The following TXNRD1 variants were observed in gnomAD, a reference collection of about 807,000 sequenced individuals.
TXNRD1 encodes thioredoxin reductase 1, cytoplasmic.
Under a neutral mutation model 80.3 loss-of-function variants are expected in TXNRD1, and 57 were observed. The observed-to-expected ratio is 0.71, with a 90% CI of 0.57 to 0.89. The LOEUF is 0.89. Among genes scored for constraint, TXNRD1 ranks in the 40% least tolerant of loss-of-function variants. The pLI is 0.00. For synonymous variants in TXNRD1, 291 were observed against 285.2 expected (o/e 1.02, Z -0.20); for missense variants, 730 against 803.0 (o/e 0.91, Z 1.10).
intron 2 of TXNRD1, among the ~76,000 whole-genome samples, chr12:104,254,644 A>AAAAAAT: frequency 1.7e-4 from 16 of 93,638 alleles, no homozygotes; most frequent in African/African-American, 5.7e-4. Flanking sequence ...AAAAAAAAAA[A>AAAAAAT]ATATATATAT....
At chr12:104,281,259 T>G (rs2135735249) in intron 3 of TXNRD1, among the ~76,000 whole-genome samples, 1 of 152,374 alleles carries the variant, frequency 6.6e-6, no homozygotes, top group Non-Finnish European at 1.5e-5. Context: ...TCCATCCATC[T>G]GTACAACTGT....
intron 14 of TXNRD1, among the ~76,000 whole-genome samples, chr12:104,332,370 C>A (rs1034694185): frequency 3.3e-5 from 5 of 152,202 alleles, no homozygotes; most frequent in African/African-American, 1.2e-4. Context: ...TCTTAATAAT[C>A]TTTTTCTTTA....
intron 1 of TXNRD1, among the ~76,000 whole-genome samples, chr12:104,228,865 G>T (rs185783406): frequency 6.6e-6 from 1 of 150,478 alleles, no homozygotes; most frequent in South Asian, 2.1e-4. Context: ...GACTACAGGC[G>T]CCCGCCACCA....
At position 104,350,284 on chromosome 12, in the gene TXNRD1, A is replaced by G. The variant is rs1467550690; in HGVS notation, c.*1863A>G. On this transcript the variant is annotated 3_prime_UTR_variant, in exon 17 of 17. Coordinates refer to ENST00000525566, the MANE Select transcript of TXNRD1 (RefSeq NM_001093771.3). ...ATTAAAATTAAAAGGCATTAATAAT[A>G]TCCACGTGTGCCTTCTTACTGAATG... The G allele has an allele frequency of 6.6e-6, 1 of 152,260 alleles. No homozygotes were observed. The highest frequency in any genetic ancestry group is 1.5e-5 in the Non-Finnish European group (1 of 68,052). 9.4% of individuals were successfully genotyped at this position (152,260 alleles called of 1,614,324 possible).
At chr12:104,332,749 CAAAAAAAAAAA>C (rs34106883) in intron 14 of TXNRD1, among the ~76,000 whole-genome samples, 1 of 76,732 alleles carries the variant, frequency 1.3e-5, no homozygotes, top group South Asian at 4.7e-4. Context: ...AACTCCGTCT[CAAAAAAAAAAA>C]AAAAAAAAAA....
chr12:104,289,135 C>T, intron 4 of TXNRD1, 95 bp downstream of exon 4: 1 of 1,427,046 alleles, frequency 7.0e-7, no homozygotes. Context: ...TGGATGTGAC[C>T]CTCCAAACGG....
rs1272405475 is a variant in TXNRD1, at chr12:104,258,012, C to T, written c.244-7C>T. ...CATTTTCCTCCTTGTTTTTCAACTTCTTCCAGGTAAAGAAGTTATTTAAAT... is the reference window on the plus strand; with the variant it reads ...CATTTTCCTCCTTGTTTTTCAACTTTTTCCAGGTAAAGAAGTTATTTAAAT... On this transcript the variant is annotated splice_polypyrimidine_tract_variant and splice_region_variant and intron_variant, in intron 2 of 16. Coordinates refer to ENST00000525566, the MANE Select transcript of TXNRD1 (RefSeq NM_001093771.3). 1 of 1,543,128 alleles carries T rather than the reference C, an allele frequency of 6.5e-7. No homozygotes were observed.
intron 16 of TXNRD1, among the ~76,000 whole-genome samples, chr12:104,343,798 CA>C (rs35961669): frequency 0.75 from 109,716 of 145,660 alleles, 41,039 homozygotes; most frequent in African/African-American, 0.78. Context: ...GACCCTGTCT[CA>C]AAAAAAAAAA....
At chr12:104,254,167 T>C (rs552775942) in intron 2 of TXNRD1, among the ~76,000 whole-genome samples, 1 of 152,328 alleles carries the variant, frequency 6.6e-6, no homozygotes, top group African/African-American at 2.4e-5. Flanking sequence ...AAAATGTGGA[T>C]GATAATAGTA....
chr12:104,294,241 CCCCGCCGCCGG>C (rs2034351715), intron 4 of TXNRD1, among the ~76,000 whole-genome samples: 1 of 124,702 alleles, frequency 8.0e-6, no homozygotes, highest in Non-Finnish European at 1.8e-5. Context: ...AGGCCCCCCC[CCCCGCCGCCGG>C]CTTTCCCGGT....
chr12:104,249,892 T>C (rs541674014), intron 1 of TXNRD1, among the ~76,000 whole-genome samples: 50 of 134,476 alleles, frequency 3.7e-4, no homozygotes, highest in African/African-American at 8.0e-4. Flanking sequence ...GCCGAGATCG[T>C]GCCACTGTAC....
intron 1 of TXNRD1, among the ~76,000 whole-genome samples, chr12:104,228,171 G>T (rs1162834850): frequency 1.3e-5 from 2 of 151,502 alleles, no homozygotes; most frequent in Non-Finnish European, 2.9e-5. Context: ...GTGTGGTGTT[G>T]CATGCCTGTA....
chr12:104,302,740 C>T (rs10861188), intron 4 of TXNRD1, among the ~76,000 whole-genome samples: 33,013 of 151,890 alleles, frequency 0.22, 3,635 homozygotes, highest in Middle Eastern at 0.28. Flanking sequence ...CCGCCCGCCT[C>T]GGCCTCCCAA....
intron 1 of TXNRD1, among the ~76,000 whole-genome samples, chr12:104,216,299 A>G (rs1177550078): frequency 6.6e-6 from 1 of 152,220 alleles, no homozygotes; most frequent in Non-Finnish European, 1.5e-5. Flanking sequence ...CCAAACCGAC[A>G]GCCGAGTCCG....
chr12:104,246,198 C>T (rs7302834), intron 1 of TXNRD1, among the ~76,000 whole-genome samples: 98,490 of 145,900 alleles, frequency 0.68, 33,847 homozygotes, highest in Non-Finnish European at 0.74. Context: ...GAGGCCGAGG[C>T]GGGTGGATCA....
chr12:104,258,132 C>A, intron 3 of TXNRD1, 53 bp downstream of exon 3: 2 of 1,306,030 alleles, frequency 1.5e-6, no homozygotes, highest in South Asian at 1.4e-5. Flanking sequence ...CATTTTATCT[C>A]ATTTATTCTA....
chr12:104,289,151 A>G (rs2034085828), intron 4 of TXNRD1, 111 bp downstream of exon 4: 4 of 1,345,224 alleles, frequency 3.0e-6, no homozygotes, highest in Admixed American at 2.5e-5. Context: ...AACGGGACGC[A>G]GCGCTGGGAA....
intron 4 of TXNRD1, among the ~76,000 whole-genome samples, chr12:104,291,789 TG>T (rs1389298770): frequency 6.6e-6 from 1 of 152,208 alleles, no homozygotes; most frequent in African/African-American, 2.4e-5. Context: ...GCCCTATTTT[TG>T]TTTTTTAATG....
intron 4 of TXNRD1, among the ~76,000 whole-genome samples, chr12:104,296,980 A>G (rs2034455759): frequency 6.6e-6 from 1 of 152,198 alleles, no homozygotes; most frequent in African/African-American, 2.4e-5. Context: ...TCTCTAACGC[A>G]AGTCTGTAGA....
Sources: allele counts gnomAD v4.1 joint callset (sites outside exome capture counted in the v4.1 genomes callset), GRCh38; gene constraint gnomAD v4.1.1; transcripts MANE v1.5; gene names NCBI Gene and HGNC (gene_info 2026-07-23, HGNC 2026-07-21).